Variants in ASPG observed in about 807,000 individuals in gnomAD.
ASPG encodes asparaginase, also known as 60 kDa lysophospholipase.
Under a neutral mutation model 63.2 loss-of-function variants are expected in ASPG, and 53 were observed. The observed-to-expected ratio is 0.84, with a 90% confidence interval of 0.67 to 1.05. The LOEUF (loss-of-function observed/expected upper bound fraction) is 1.05. Among genes scored for constraint, ASPG ranks in the 50% least tolerant of loss-of-function variants. ASPG has a pLI of 0.00. For missense variants in ASPG, 741 were observed against 794.4 expected (o/e 0.93, Z 0.81); for synonymous variants, 370 against 355.0 (o/e 1.04, Z -0.48).
At position 104,108,781 on chromosome 14, in the gene ASPG, C is replaced by T. The variant is rs2037258786; in HGVS notation, c.1434-448C>T. 4 of 985,312 alleles carry T rather than the reference C, an allele frequency of 4.1e-6. No homozygotes were observed. The Admixed American group carries it at 1.8e-4, about 45-fold the overall frequency. The allele number at this position is 985,312 out of a possible 1,614,324, so 61.0% of individuals were successfully genotyped here. A position where few individuals can be genotyped will look rare whatever the true frequency, so the allele number is the denominator to read the frequency against. ...TTGATTCAGTGTCCCCTGCGCCTGG[C>T]TGAGGAGGTCACCACGGGGTGTGAT... On this transcript the variant is annotated intron_variant, in intron 12 of 15. Transcript: ENST00000551177.
rs762839979 is a variant in ASPG at position 104,104,598 on chromosome 14, T to C, written c.937-24T>C. The C allele has an allele frequency of 3.1e-6, 5 of 1,592,806 alleles. No homozygotes were observed. In the South Asian group the frequency reaches 4.5e-5, roughly 14 times the overall value. On this transcript the variant is annotated intron_variant, in intron 8 of 15. Coordinates refer to ENST00000551177, the MANE Select transcript of ASPG (RefSeq NM_001080464.3). ...GGGGGCCGTGGTGAGTCGCCCTTCC[T>C]GCCCACACGCCCCCTCCTCACAGGC...
In ASPG at chr14:104,097,637, G is replaced by A. The variant is rs2141004165; in HGVS notation, c.513G>A (p.Glu171=). 1.9e-6 allele frequency: 3 copies of A among 1,561,806 alleles called. No homozygotes were observed. The highest frequency in any genetic ancestry group is 2.4e-5 in the East Asian group (1 of 41,764). The change falls in exon 5 of 16, where the codon GAG becomes GAA. Residue 171 remains glutamate (E), a splice_region_variant and synonymous_variant. Transcript: ENST00000551177. ...LLMAGQYVIP[E]VCLFFQNQLF... Reference sequence around the variant, plus strand: ...TGGCTGGCCAGTATGTGATCCCAGAGGTACCTGCCTGGTGCACGTGGAGGC... The same window carrying A: ...TGGCTGGCCAGTATGTGATCCCAGAAGTACCTGCCTGGTGCACGTGGAGGC...
At chr14:104,106,731 G>C in intron 10 of ASPG, 68 bp from the exon 11 acceptor site, 1 of 1,395,156 alleles carries the variant, frequency 7.2e-7, no homozygotes. Flanking sequence ...ATACAGCACC[G>C]GGGACTGCCA....
At chr14:104,097,728 C>T in intron 5 of ASPG, 91 bp downstream of exon 5, 1 of 1,210,120 alleles carries the variant, frequency 8.3e-7, no homozygotes. Context: ...CCAGCCCCTC[C>T]CCAGACGCCA....
chr14:104,112,550 A>C lies in ASPG; in HGVS notation c.*6A>C. 6.3e-7 allele frequency: 1 copy of C among 1,594,496 alleles called. No homozygotes were observed. Among genetic ancestry groups the C allele is most frequent in the South Asian group, 1.1e-5 (1 of 90,254 alleles). ...AAGTGCTGCCTGGTGTCTAACCTGA[A>C]GGCGTCCTGCTGCAGTATAAGCCAT... On this transcript the variant is annotated 3_prime_UTR_variant, in exon 16 of 16. Transcript: ENST00000551177.
rs1393446795 is a variant in ASPG at position 104,097,543 on chromosome 14, C to A, written c.430-11C>A. The A allele has an allele frequency of 1.3e-6, 2 of 1,550,762 alleles. No homozygotes were observed. Among genetic ancestry groups the A allele is most frequent in the Admixed American group, 3.9e-5 (2 of 51,090 alleles). ...TCCCAGGCCTCAGCTACTCCGTGGCCTCTCCCCCAGGTGCCCATCCATGCC... is the reference window on the plus strand; with the variant it reads ...TCCCAGGCCTCAGCTACTCCGTGGCATCTCCCCCAGGTGCCCATCCATGCC... On this transcript the variant is annotated splice_polypyrimidine_tract_variant and intron_variant, in intron 4 of 15. Transcript: ENST00000551177.
intron 13 of ASPG, chr14:104,111,012 A>G (rs1437608416): frequency 1.0e-6 from 1 of 985,298 alleles, no homozygotes. Flanking sequence ...CCCCTCTCTG[A>G]ACCACTGGGC....
chr14:104,096,415 G>A (rs756122734), intron 4 of ASPG, among the ~76,000 whole-genome samples: 17 of 152,146 alleles, frequency 1.1e-4, no homozygotes, highest in Admixed American at 3.3e-4. Context: ...GGAGCAGTCC[G>A]GGGAGGTGGC....
rs758136604 is a variant in ASPG, at chr14:104,093,223, GTCCCAGCCCCCCTCTTCGAGCT to G, written c.192-267_192-246del. On this transcript the variant is annotated intron_variant, in intron 2 of 15. Coordinates refer to ENST00000551177, the MANE Select transcript of ASPG (RefSeq NM_001080464.3). ...ATCCTCTCCTGCCTGGGGATGGCTG[GTCCCAGCCCCCCTCTTCGAGCT>G]GGTGTGGGAAGAAGACTGCTGGGAG... 4 of 562,856 alleles carry G rather than the reference GTCCCAGCCCCCCTCTTCGAGCT, an allele frequency of 7.1e-6. 1 individual carries two copies. In the African/African-American group the frequency reaches 7.5e-5, roughly 11 times the overall value. 34.9% of individuals were successfully genotyped at this position (562,856 alleles called of 1,614,324 possible). A position where few individuals can be genotyped will look rare whatever the true frequency, so the allele number is the denominator to read the frequency against.
intron 4 of ASPG, 122 bp downstream of exon 4, chr14:104,095,778 T>A (rs2036571164): frequency 1.5e-6 from 2 of 1,339,376 alleles, no homozygotes; most frequent in Admixed American, 2.1e-5. Context: ...GCTCCTGAGG[T>A]GGCTGCTGCA....
Position 104,115,123 on chromosome 14 carries a change from CTT to C in ASPG, c.*2583_*2584del, listed in dbSNP as rs2037444616. 6.6e-6 allele frequency: 1 copy of C among 152,204 alleles called. No homozygotes were observed. The highest frequency in any genetic ancestry group is 1.5e-5 in the Non-Finnish European group (1 of 68,038). 9.4% of individuals were successfully genotyped at this position (152,204 alleles called of 1,614,324 possible). ...ATCTCCTCTCCATCACGACTACTGTCTTTTTCACCAGCATTTTCTATCCTAAA... is the reference window on the plus strand; with the variant it reads ...ATCTCCTCTCCATCACGACTACTGTCTTTCACCAGCATTTTCTATCCTAAA... On this transcript the variant is annotated 3_prime_UTR_variant, in exon 16 of 16. Coordinates refer to ENST00000551177, the MANE Select transcript of ASPG (RefSeq NM_001080464.3).
chr14:104,104,819 C>A lies in ASPG; in HGVS notation c.1050+84C>A, dbSNP rs561257340. ...CCCAGGGGCATGTCTGGGGCGATGC[C>A]GGAAGAGCCTGGGGGCCGGTCCAGG... On this transcript the variant is annotated intron_variant, in intron 9 of 15. Transcript: ENST00000551177. The A allele has an allele frequency of 1.0e-5, 12 of 1,198,610 alleles. No individual in the cohort carries two copies. In the African/African-American group the frequency reaches 1.7e-4, roughly 17 times the overall value. 74.2% of individuals were successfully genotyped at this position (1,198,610 alleles called of 1,614,324 possible). A position where few individuals can be genotyped will look rare whatever the true frequency, so the allele number is the denominator to read the frequency against.
intron 4 of ASPG, among the ~76,000 whole-genome samples, 153 bp from the exon 5 acceptor site, chr14:104,097,401 T>A (rs1300572358): frequency 6.6e-6 from 1 of 152,194 alleles, no homozygotes; most frequent in African/African-American, 2.4e-5. Context: ...ATCTCCAGGC[T>A]GCCTGCTGCA....
At chr14:104,103,739 G>C (rs545118645) in intron 7 of ASPG, 64 bp downstream of exon 7, 7 of 1,406,572 alleles carry the variant, frequency 5.0e-6, no homozygotes, top group East Asian at 2.5e-5. Flanking sequence ...CAGCTCCCAC[G>C]GCCCTCAGGC....
intron 4 of ASPG, 138 bp downstream of exon 4, chr14:104,095,794 C>T (rs908110291): frequency 1.4e-4 from 160 of 1,171,816 alleles, no homozygotes; most frequent in East Asian, 1.8e-4. Flanking sequence ...CTGCAGGGCC[C>T]GTGCTGGGGC....
At chr14:104,099,335 C>T (rs575319364) in intron 6 of ASPG, among the ~76,000 whole-genome samples, 34 of 152,330 alleles carry the variant, frequency 2.2e-4, no homozygotes, top group South Asian at 2.1e-4. Flanking sequence ...GCCGTAGCCT[C>T]GTCCCCAGGA....
At chr14:104,095,375 G>C (rs72714947) in intron 3 of ASPG, among the ~76,000 whole-genome samples, 156 bp from the exon 4 acceptor site, 5 of 152,018 alleles carry the variant, frequency 3.3e-5, no homozygotes, top group Non-Finnish European at 5.9e-5. Context: ...TCCACGCCAG[G>C]GGCTAATCTT....
chr14:104,098,301 T>G (rs773879906), intron 5 of ASPG, among the ~76,000 whole-genome samples: 2 of 152,160 alleles, frequency 1.3e-5, no homozygotes, highest in Non-Finnish European at 2.9e-5. Context: ...GGGTGTCACT[T>G]TCCCTCCCCC....
rs367653120 is a variant in ASPG, at chr14:104,107,390, G to C, written c.1433+45G>C. ...ACAGAGCTGCCTTGGACAGGTGGGC[G>C]CAGAGAGGCTGTGGGCTCCTGCACT... On this transcript the variant is annotated intron_variant, in intron 12 of 15. Coordinates refer to ENST00000551177, the MANE Select transcript of ASPG (RefSeq NM_001080464.3). 59 of 1,371,108 alleles carry C rather than the reference G, an allele frequency of 4.3e-5. No individual in the cohort carries two copies. The East Asian group carries it at 1.6e-3, about 37-fold the overall frequency. The allele number at this position is 1,371,108 out of a possible 1,614,324, so 84.9% of individuals were successfully genotyped here. A position where few individuals can be genotyped will look rare whatever the true frequency, so the allele number is the denominator to read the frequency against.
Sources: gnomAD v4.1 joint callset for allele counts (sites outside exome capture counted in the v4.1 genomes callset) on GRCh38, gnomAD v4.1.1 for gene constraint, MANE v1.5 for transcripts, NCBI Gene and HGNC (gene_info 2026-07-23, HGNC 2026-07-21) for gene names.